Variants in CRY1 observed in about 807,000 individuals in gnomAD.
CRY1 encodes the protein cryptochrome-1.
In CRY1, 45 loss-of-function variants were observed where a neutral mutation model predicts 76.0. That is an observed-to-expected ratio of 0.59 (90% CI 0.47 to 0.76). The LOEUF is 0.76. Among genes scored for constraint, CRY1 ranks in the 30% least tolerant of loss-of-function variants. The pLI is 0.00. For synonymous variants in CRY1, 248 were observed against 244.0 expected (o/e 1.02, Z -0.15); for missense variants, 587 against 716.4 (o/e 0.82, Z 2.06).
Position 106,999,563 on chromosome 12 carries a change from T to G in CRY1, c.1125A>C (p.Glu375Asp), listed in dbSNP as rs1308599909. Reference sequence around the variant, plus strand: ...TTAGAACACTTACCTTCATTCCTTCTTCCCAACTAATCCACAGGTCCCCTC... The same window carrying G: ...TTAGAACACTTACCTTCATTCCTTCGTCCCAACTAATCCACAGGTCCCCTC... ...LTRGDLWISW[E>D]EGMKVFEELL... Residue 375 changes from glutamate (E) to aspartate (D), a missense_variant, in exon 7 of 13, where the codon GAA becomes GAC. By Grantham distance (45) the Glu-to-Asp change is conservative. Coordinates refer to ENST00000008527, the MANE Select transcript of CRY1 (RefSeq NM_004075.5). The G allele has an allele frequency of 5.0e-6, 8 of 1,612,248 alleles. No individual in the cohort carries two copies. In the South Asian group the frequency reaches 6.6e-5, roughly 13 times the overall value.
intron 2 of CRY1, among the ~76,000 whole-genome samples, chr12:107,016,265 G>A (rs1329195462): frequency 3.3e-5 from 5 of 152,118 alleles, no homozygotes; most frequent in African/African-American, 9.7e-5. Flanking sequence ...AGCTGAGATC[G>A]TGCCACTGCA....
At chr12:107,027,547 G>A (rs765890237) in intron 1 of CRY1, among the ~76,000 whole-genome samples, 3 of 151,950 alleles carry the variant, frequency 2.0e-5, no homozygotes, top group Non-Finnish European at 1.5e-5. Flanking sequence ...TTACAATACT[G>A]AACACACCAC....
chr12:107,014,571 ATTTT>A (rs927076450), intron 2 of CRY1, among the ~76,000 whole-genome samples: 11 of 123,904 alleles, frequency 8.9e-5, no homozygotes, highest in Non-Finnish European at 1.8e-4. Flanking sequence ...GTTCCTCTTT[ATTTT>A]TTGTTTTCTT....
chr12:107,035,607 A>C (rs1446998610), intron 1 of CRY1, among the ~76,000 whole-genome samples: 1 of 152,222 alleles, frequency 6.6e-6, no homozygotes, highest in Non-Finnish European at 1.5e-5. Context: ...TCCCAAGGAC[A>C]CTTGAATAAT....
chr12:107,084,312 C>T (rs996703798), intron 1 of CRY1, among the ~76,000 whole-genome samples: 5 of 152,144 alleles, frequency 3.3e-5, no homozygotes, highest in East Asian at 3.9e-4. Flanking sequence ...ACTTTCTTCA[C>T]AGAACTAGAA....
chr12:107,059,818 T>A (rs1953027551), intron 1 of CRY1, among the ~76,000 whole-genome samples: 1 of 152,184 alleles, frequency 6.6e-6, no homozygotes, highest in Admixed American at 6.5e-5. Context: ...AGAAATCCTC[T>A]CAACAGAGCC....
At chr12:107,054,561 G>A (rs1395847432) in intron 1 of CRY1, among the ~76,000 whole-genome samples, 2 of 148,964 alleles carry the variant, frequency 1.3e-5, no homozygotes, top group Non-Finnish European at 3.0e-5. Context: ...CTAACGAAAG[G>A]CTTCAATTAA....
intron 1 of CRY1, among the ~76,000 whole-genome samples, chr12:107,081,374 A>C (rs1186928580): frequency 6.6e-6 from 1 of 152,074 alleles, no homozygotes; most frequent in Non-Finnish European, 1.5e-5. Flanking sequence ...ACTATGTATA[A>C]GCCACTATGC....
intron 2 of CRY1, among the ~76,000 whole-genome samples, chr12:107,008,142 C>T (rs371240635): frequency 4.6e-5 from 7 of 152,178 alleles, no homozygotes; most frequent in African/African-American, 1.2e-4. Context: ...GAGAATATAA[C>T]GTGTGCTCTC....
chr12:106,998,202 G>T, intron 7 of CRY1, 136 bp from the exon 8 acceptor site: 2 of 934,972 alleles, frequency 2.1e-6, no homozygotes, highest in Non-Finnish European at 1.6e-6. Flanking sequence ...TCCAAAGTTA[G>T]CTTCCCTATG....
In CRY1 at chr12:107,009,563, CATATATATATATATATATATATAT is replaced by C. The variant is rs869185018; in HGVS notation, c.268-4339_268-4316del. 1.6e-4 allele frequency among the ~76,000 whole-genome samples: 15 copies of C among 90,964 alleles called. 1 individual carries two copies. Among genetic ancestry groups the C allele is most frequent in the Admixed American group, 2.3e-4 (2 of 8,872 alleles). 59.7% of individuals were successfully genotyped at this position (90,964 alleles called of 152,430 possible). On this transcript the variant is annotated intron_variant, in intron 2 of 12. Coordinates refer to ENST00000008527, the MANE Select transcript of CRY1 (RefSeq NM_004075.5). ...CAGAAAAAACAAAAAAACAAAAAAA[CATATATATATATATATATATATAT>C]ATATATATATATATAAAATCTCTAT...
At position 107,022,523 on chromosome 12, in the gene CRY1, T is replaced by C. The variant is rs1049116088; in HGVS notation, c.159-331A>G. Among the ~76,000 whole-genome samples the C allele has an allele frequency of 3.3e-5, 5 of 152,120 alleles. No homozygotes were observed. The East Asian group carries it at 7.7e-4, about 23-fold the overall frequency. On this transcript the variant is annotated intron_variant, in intron 1 of 12. Coordinates refer to ENST00000008527, the MANE Select transcript of CRY1 (RefSeq NM_004075.5). ...TTCATTGTTTAAACTTGATGAAATA[T>C]TTTCTGTATGAAAATGGCTTTTCAT...
chr12:107,025,552 C>T (rs1593510188), intron 1 of CRY1, among the ~76,000 whole-genome samples: 2 of 152,228 alleles, frequency 1.3e-5, no homozygotes, highest in Middle Eastern at 3.4e-3. Context: ...AGTGCCTGCC[C>T]ATAGTAAGCA....
intron 1 of CRY1, among the ~76,000 whole-genome samples, chr12:107,069,103 T>C (rs1419741036): frequency 6.6e-6 from 1 of 152,222 alleles, no homozygotes; most frequent in South Asian, 2.1e-4. Flanking sequence ...GGTAATTCTA[T>C]GTTTAACTTT....
intron 7 of CRY1, among the ~76,000 whole-genome samples, chr12:106,998,346 G>A (rs533659032): frequency 6.6e-6 from 1 of 152,180 alleles, no homozygotes; most frequent in South Asian, 2.1e-4. Flanking sequence ...TCAAATCACT[G>A]ATTTAAAAGG....
chr12:107,001,504 C>T (rs1046010124), intron 4 of CRY1, 136 bp from the exon 5 acceptor site: 3 of 766,988 alleles, frequency 3.9e-6, no homozygotes, highest in African/African-American at 1.8e-5. Context: ...TAAATAAGCC[C>T]TCACCTATAG....
At chr12:107,051,536 G>C (rs2136875996) in intron 1 of CRY1, among the ~76,000 whole-genome samples, 1 of 152,272 alleles carries the variant, frequency 6.6e-6, no homozygotes, top group South Asian at 2.1e-4. Flanking sequence ...CAAATTTAAT[G>C]AGAATAAGAT....
At chr12:107,040,724 G>A (rs545350200) in intron 1 of CRY1, among the ~76,000 whole-genome samples, 1 of 151,938 alleles carries the variant, frequency 6.6e-6, no homozygotes, top group Non-Finnish European at 1.5e-5. Context: ...AAAAGAAGAG[G>A]GAAGAGTAGA....
At chr12:107,055,637 T>C (rs1045961630) in intron 1 of CRY1, among the ~76,000 whole-genome samples, 1 of 152,078 alleles carries the variant, frequency 6.6e-6, no homozygotes, top group African/African-American at 2.4e-5. Context: ...AAGTTGGTTG[T>C]CTGAAAAGAC....
Sources: allele counts gnomAD v4.1 joint callset (sites outside exome capture counted in the v4.1 genomes callset), GRCh38; gene constraint gnomAD v4.1.1; transcripts MANE v1.5; gene names NCBI Gene and HGNC (gene_info 2026-07-23, HGNC 2026-07-21).